The following SHOC2 variants were observed in gnomAD, a reference collection of about 807,000 sequenced individuals.
SHOC2 encodes SHOC2 leucine rich repeat scaffold protein.
Under a neutral mutation model 50.2 loss-of-function variants are expected in SHOC2, and 4 were observed. The observed-to-expected ratio is 0.08, with a 90% confidence interval of 0.04 to 0.18. The LOEUF (loss-of-function observed/expected upper bound fraction) is 0.18, where lower values mean the gene tolerates loss of function less well. Ranked by LOEUF, SHOC2 falls within the 10% of genes least tolerant of loss-of-function variation. The probability of loss-of-function intolerance (pLI) is 1.00; values close to 1 mark genes in which losing one functional copy is unlikely to be tolerated. For synonymous variants in SHOC2, 218 were observed against 244.5 expected, an observed-to-expected ratio of 0.89 and a Z score of 1.01; for missense variants, 388 against 669.6, an observed-to-expected ratio of 0.58 and a Z score of 4.64.
chr10:110,981,878 A>ATTTATTTATTATACTCT (rs1564721080), intron 2 of SHOC2, among the ~76,000 whole-genome samples: 1 of 54,078 alleles, frequency 1.8e-5, no homozygotes. Context: ...TTATTTTTTT[A>ATTTATTTATTATACTCT]AGTTTTAGGG....
intron 1 of SHOC2, among the ~76,000 whole-genome samples, chr10:110,962,267 C>T (rs1019677041): frequency 6.6e-6 from 1 of 151,888 alleles, no homozygotes; most frequent in African/African-American, 2.4e-5. Context: ...ATTTGATTTC[C>T]AGAAACTTGA....
At chr10:110,994,925 T>C (rs550539446) in intron 3 of SHOC2, among the ~76,000 whole-genome samples, 6 of 152,354 alleles carry the variant, frequency 3.9e-5, no homozygotes, top group African/African-American at 1.2e-4. Flanking sequence ...GAAAAATTCC[T>C]GCAAATATTT....
intron 2 of SHOC2, among the ~76,000 whole-genome samples, chr10:110,975,583 C>T (rs1590812381): frequency 9.1e-6 from 1 of 109,592 alleles, no homozygotes; most frequent in East Asian, 2.2e-4. Context: ...TAGCATATCA[C>T]TCATTTTTCC....
At chr10:110,945,515 T>G (rs1447671243) in intron 1 of SHOC2, among the ~76,000 whole-genome samples, 1 of 152,232 alleles carries the variant, frequency 6.6e-6, no homozygotes, top group African/African-American at 2.4e-5. Flanking sequence ...TTATTAATTT[T>G]TAGAGTTCTG....
chr10:110,964,116 A>G lies in SHOC2; in HGVS notation c.-234-9A>G, dbSNP rs1847624239. On this transcript the variant is annotated splice_polypyrimidine_tract_variant and intron_variant, in intron 1 of 8. Coordinates refer to ENST00000369452, the MANE Select transcript of SHOC2 (RefSeq NM_007373.4). The surrounding 1 kb of genome is among the most constrained non-coding windows in gnomAD (Gnocchi z 4.9). ...AAAGTAATTTAATACTGTCTATATT[A>G]TATTTCAGGAACTCTAATGAATCAT... 2 of 559,512 alleles carry G rather than the reference A, an allele frequency of 3.6e-6. No individual in the cohort carries two copies. Among genetic ancestry groups the G allele is most frequent in the East Asian group, 5.8e-5 (2 of 34,520 alleles). 34.7% of individuals were successfully genotyped at this position (559,512 alleles called of 1,614,324 possible). A position where few individuals can be genotyped will look rare whatever the true frequency, so the allele number is the denominator to read the frequency against.
chr10:111,009,173 G>T (rs1848523215), intron 6 of SHOC2, 75 bp from the exon 7 acceptor site: 2 of 1,030,092 alleles, frequency 1.9e-6, no homozygotes, highest in Non-Finnish European at 1.5e-6. Flanking sequence ...TTGCTTAATA[G>T]ATTTTAAGCC....
At chr10:110,929,879 G>A (rs549534644) in intron 1 of SHOC2, among the ~76,000 whole-genome samples, 20 of 152,188 alleles carry the variant, frequency 1.3e-4, no homozygotes, top group Non-Finnish European at 2.2e-4. Context: ...ATACATACCA[G>A]TTGGGAATTG....
rs527473418 is a variant in SHOC2, at chr10:110,926,608, A to G, written c.-235+6951A>G. 4.6e-5 allele frequency among the ~76,000 whole-genome samples: 7 copies of G among 152,360 alleles called. No individual in the cohort carries two copies. In the East Asian group the frequency reaches 1.2e-3, roughly 25 times the overall value. ...ACATTTTGTAAAAACAGCAGTTTAT[A>G]GCAACTTAATGTTATGACAAACATG... On this transcript the variant is annotated intron_variant, in intron 1 of 8. Transcript: ENST00000369452.
intron 1 of SHOC2, among the ~76,000 whole-genome samples, chr10:110,952,262 C>T (rs913659445): frequency 6.6e-6 from 1 of 152,022 alleles, no homozygotes; most frequent in African/African-American, 2.4e-5. Context: ...ACAGAGTTCC[C>T]GTATATTCCC....
intron 2 of SHOC2, among the ~76,000 whole-genome samples, chr10:110,966,628 T>C (rs1847679811): frequency 6.6e-6 from 1 of 152,170 alleles, no homozygotes; most frequent in African/African-American, 2.4e-5. Context: ...AGAATATACA[T>C]ATATGTTCTT....
intron 3 of SHOC2, among the ~76,000 whole-genome samples, chr10:110,996,927 A>G (rs939490049): frequency 6.6e-6 from 1 of 152,208 alleles, no homozygotes; most frequent in Non-Finnish European, 1.5e-5. Flanking sequence ...GCTCCTGTGC[A>G]CTTGTCGAGA....
At chr10:110,927,902 A>G (rs984556216) in intron 1 of SHOC2, among the ~76,000 whole-genome samples, 6 of 152,234 alleles carry the variant, frequency 3.9e-5, no homozygotes, top group Non-Finnish European at 5.9e-5. Context: ...TTTAAAATGG[A>G]GTCACTATTT....
intron 3 of SHOC2, among the ~76,000 whole-genome samples, chr10:110,997,629 A>G (rs886305034): frequency 2.0e-4 from 31 of 152,220 alleles, no homozygotes; most frequent in Non-Finnish European, 3.8e-4. Flanking sequence ...GAATATAGAC[A>G]TACTACAGAA....
intron 4 of SHOC2, among the ~76,000 whole-genome samples, chr10:111,003,081 A>G (rs1196923319): frequency 3.3e-5 from 5 of 152,224 alleles, no homozygotes; most frequent in Admixed American, 2.6e-4. Flanking sequence ...CTGTACAACA[A>G]TACACAAATT....
intron 2 of SHOC2, among the ~76,000 whole-genome samples, chr10:110,984,367 GT>G (rs1848039616): frequency 6.6e-6 from 1 of 151,922 alleles, no homozygotes; most frequent in Non-Finnish European, 1.5e-5. Flanking sequence ...TGGTGGTCTT[GT>G]TTTATTGTAG....
chr10:111,010,716 A>G (rs879542874), intron 8 of SHOC2, among the ~76,000 whole-genome samples: 5 of 152,198 alleles, frequency 3.3e-5, no homozygotes, highest in Non-Finnish European at 7.3e-5. Flanking sequence ...TTGACAATTC[A>G]AAATCTAGCC....
At chr10:110,945,240 C>T (rs569414036) in intron 1 of SHOC2, among the ~76,000 whole-genome samples, 9 of 152,282 alleles carry the variant, frequency 5.9e-5, no homozygotes, top group East Asian at 3.9e-4. Context: ...AGGTCACATA[C>T]GGTCAGCATT....
chr10:110,962,222 C>T (rs1847585696), intron 1 of SHOC2, among the ~76,000 whole-genome samples: 1 of 152,078 alleles, frequency 6.6e-6, no homozygotes, highest in South Asian at 2.1e-4. Flanking sequence ...AGGTGTCCTT[C>T]TAAATTTAGG....
intron 1 of SHOC2, among the ~76,000 whole-genome samples, chr10:110,925,455 GGTTTTGTTTTT>G (rs1846751151): frequency 6.6e-6 from 1 of 151,388 alleles, no homozygotes; most frequent in African/African-American, 2.4e-5. Flanking sequence ...TTTTTGTTTT[GGTTTTGTTTTT>G]GTTTTCAAGA....
Sources: gnomAD v4.1 joint callset for allele counts (sites outside exome capture counted in the v4.1 genomes callset) on GRCh38, gnomAD v4.1.1 for gene constraint, Gnocchi (gnomAD v3.1) non-coding constraint, MANE v1.5 for transcripts, NCBI Gene and HGNC (gene_info 2026-07-23, HGNC 2026-07-21) for gene names.